PGBD2: variants seen among roughly 807,000 people sequenced by gnomAD.
The protein encoded by PGBD2 is piggyBac transposable element-derived protein 2.
PGBD2 carries 6 observed loss-of-function variants against 8.1 expected under a neutral mutation model. The observed-to-expected ratio is 0.74, with a 90% CI of 0.40 to 1.46. The LOEUF (loss-of-function observed/expected upper bound fraction) is 1.46. Ranked by LOEUF, PGBD2 falls within the 40% of genes most tolerant of loss-of-function variation. The pLI, the probability that PGBD2 is intolerant of heterozygous loss-of-function variation, is 0.02. For missense variants in PGBD2, 802 were observed against 739.0 expected (o/e 1.09, Z -0.99); for synonymous variants, 318 against 272.2 (o/e 1.17, Z -1.66).
rs1049451740 is a variant in PGBD2, at chr1:248,919,001, A to G, written c.*638A>G. 1.3e-4 allele frequency: 22 copies of G among 167,192 alleles called. No homozygotes were observed. The highest frequency in any genetic ancestry group is 4.6e-4 in the African/African-American group (19 of 41,576). 10.4% of individuals were successfully genotyped at this position (167,192 alleles called of 1,614,324 possible). On this transcript the variant is annotated 3_prime_UTR_variant, in exon 3 of 3. Transcript: ENST00000329291. ...TGTATTTTTATGGGTTACATGAGAT[A>G]TTCTGATACAAACATGCAATGTATA...
upstream of PGBD2, among the ~76,000 whole-genome samples, chr1:248,905,082 C>A (rs1034813606): frequency 2.0e-5 from 3 of 152,180 alleles, no homozygotes; most frequent in African/African-American, 7.2e-5. Context: ...AGTAGCACTC[C>A]CATTTTCCCA....
chr1:248,878,237 G>T, the PGBD2 span, among the ~76,000 whole-genome samples: 8 of 151,778 alleles, frequency 5.3e-5, no homozygotes, highest in Middle Eastern at 6.8e-3. Flanking sequence ...TGGAGTGCAG[G>T]GGCGCAATCT....
At chr1:248,877,504 A>G in the PGBD2 span, among the ~76,000 whole-genome samples, 1 of 152,134 alleles carries the variant, frequency 6.6e-6, no homozygotes, top group African/African-American at 2.4e-5. Context: ...CCAGCCTCCC[A>G]ATGCCGTACA....
At position 248,917,470 on chromosome 1, in the gene PGBD2, A is replaced by T; in HGVS notation, c.886A>T (p.Ile296Phe). The change falls in exon 3 of 3, where the codon ATT (isoleucine) becomes TTT (phenylalanine). Residue 296 changes from isoleucine to phenylalanine, a missense_variant. Transcript: ENST00000329291. ...GAAGCCTGTGCGACTTGGCTACAAGATTTGGTGTGGGACAACCAGCAGAGG... is the reference window on the plus strand; with the variant it reads ...GAAGCCTGTGCGACTTGGCTACAAGTTTTGGTGTGGGACAACCAGCAGAGG... ...RGKPVRLGYK[I>F]WCGTTSRGYL... 1 of 1,614,046 alleles carries T rather than the reference A, an allele frequency of 6.2e-7. No individual in the cohort carries two copies. Among genetic ancestry groups the T allele is most frequent in the Non-Finnish European group, 8.5e-7 (1 of 1,180,008 alleles).
chr1:248,916,609 A>G lies in PGBD2; in HGVS notation c.25A>G (p.Ile9Val). Residue 9 changes from isoleucine to valine, a missense_variant, in exon 3 of 3, where the codon ATT (isoleucine) becomes GTT (valine). Physicochemically the swap from Ile to Val is conservative, Grantham distance 29 (BLOSUM62 3). Transcript: ENST00000329291. ...TGTTTCCTGTCATAACAGAGATGTC[A>G]TTGCTGGGAGAGGTATCCACTCAAA... MASTSRDV[I>V]AGRGIHSKVK... 1 of 1,613,858 alleles carries G rather than the reference A, an allele frequency of 6.2e-7. No homozygotes were observed. The highest frequency in any genetic ancestry group is 8.5e-7 in the Non-Finnish European group (1 of 1,179,816).
chr1:248,902,420 T>C (rs1186869334), upstream of PGBD2, among the ~76,000 whole-genome samples: 7 of 152,190 alleles, frequency 4.6e-5, no homozygotes, highest in Admixed American at 3.9e-4. Context: ...GTTCAACCAT[T>C]GTGAAAGACA....
rs150759335 is a variant in PGBD2, at chr1:248,917,541, G to A, written c.957G>A (p.Lys319=). ...FEPSQGTLFT[K]PDRSLDLGGS... Reference sequence around the variant, plus strand: ...CCTCACAGGGCACACTGTTTACCAAGCCAGACAGGAGCTTGGATCTAGGAG... The same window carrying A: ...CCTCACAGGGCACACTGTTTACCAAACCAGACAGGAGCTTGGATCTAGGAG... The change falls in exon 3 of 3, where the codon AAG becomes AAA. Residue 319 remains lysine (K), a synonymous_variant. Coordinates refer to ENST00000329291, the MANE Select transcript of PGBD2 (RefSeq NM_170725.3). The A allele has an allele frequency of 1.6e-5, 26 of 1,614,130 alleles. No homozygotes were observed. The African/African-American group carries it at 3.5e-4, about 22-fold the overall frequency.
chr1:248,886,252 A>C, the PGBD2 span, among the ~76,000 whole-genome samples: 1 of 152,212 alleles, frequency 6.6e-6, no homozygotes, highest in African/African-American at 2.4e-5. Context: ...ATAGGAATGT[A>C]TGAGTTATCA....
the PGBD2 span, among the ~76,000 whole-genome samples, chr1:248,891,292 T>C: frequency 6.6e-6 from 1 of 152,134 alleles, no homozygotes; most frequent in African/African-American, 2.4e-5. Flanking sequence ...GCCTCTTCTC[T>C]ACAAATCCAA....
the PGBD2 span, among the ~76,000 whole-genome samples, chr1:248,927,859 AT>A: frequency 6.6e-6 from 1 of 152,212 alleles, no homozygotes; most frequent in Non-Finnish European, 1.5e-5. Context: ...TAGATGATAG[AT>A]AAAGAAAATA....
upstream of PGBD2, among the ~76,000 whole-genome samples, chr1:248,905,252 G>C (rs376864508): frequency 6.6e-6 from 1 of 151,870 alleles, no homozygotes; most frequent in South Asian, 2.1e-4. Flanking sequence ...TTTGTGAAGT[G>C]TCAGTGTGGA....
At chr1:248,879,456 G>A in the PGBD2 span, among the ~76,000 whole-genome samples, 14 of 152,236 alleles carry the variant, frequency 9.2e-5, no homozygotes, top group South Asian at 2.1e-4. Context: ...GTGTAGTGGC[G>A]TGATCTCAGC....
the PGBD2 span, among the ~76,000 whole-genome samples, chr1:248,874,232 A>T: frequency 6.6e-6 from 1 of 152,172 alleles, no homozygotes; most frequent in Non-Finnish European, 1.5e-5. Flanking sequence ...ATATTGCTAA[A>T]TGACGCATCA....
At chr1:248,908,452 G>C (rs532118103) in intron 1 of PGBD2, among the ~76,000 whole-genome samples, 4 of 152,146 alleles carry the variant, frequency 2.6e-5, no homozygotes, top group South Asian at 2.1e-4. Flanking sequence ...AGGCTTCCCC[G>C]ATCAGCTTTC....
At chr1:248,901,286 C>A (rs998777217), upstream of PGBD2, among the ~76,000 whole-genome samples, 2 of 152,048 alleles carry the variant, frequency 1.3e-5, no homozygotes, top group Non-Finnish European at 2.9e-5. Flanking sequence ...ATAGCCAAGA[C>A]AATCCAAAGC....
At chr1:248,927,194 A>T in the PGBD2 span, among the ~76,000 whole-genome samples, 3 of 152,220 alleles carry the variant, frequency 2.0e-5, no homozygotes, top group Admixed American at 6.5e-5. Flanking sequence ...TTAAAGAATG[A>T]AGAAGAGATT....
At chr1:248,887,649 T>G in the PGBD2 span, among the ~76,000 whole-genome samples, 12 of 152,160 alleles carry the variant, frequency 7.9e-5, no homozygotes, top group Admixed American at 1.3e-4. Flanking sequence ...GAAACTGGCT[T>G]GATGGAAGGC....
chr1:248,880,159 T>G, the PGBD2 span, among the ~76,000 whole-genome samples: 1 of 152,210 alleles, frequency 6.6e-6, no homozygotes, highest in South Asian at 2.1e-4. Flanking sequence ...GAATACATTC[T>G]GGCAAGTCTA....
the PGBD2 span, among the ~76,000 whole-genome samples, chr1:248,926,212 C>CAT: frequency 6.6e-6 from 1 of 152,128 alleles, no homozygotes; most frequent in East Asian, 1.9e-4. Flanking sequence ...TCGGTCATCA[C>CAT]TTGATGCCAC....
Sources: gnomAD v4.1 joint callset for allele counts (sites outside exome capture counted in the v4.1 genomes callset) on GRCh38, gnomAD v4.1.1 for gene constraint, MANE v1.5 for transcripts, NCBI Gene and HGNC (gene_info 2026-07-23, HGNC 2026-07-21) for gene names.